Variants in SYNPR observed in about 807,000 individuals in gnomAD.
The protein encoded by SYNPR is synaptoporin.
Under a neutral mutation model 32.9 loss-of-function variants are expected in SYNPR, and 23 were observed. The ratio of observed to expected loss-of-function variants is 0.70; its 90% confidence interval spans 0.50 to 0.99. SYNPR has a LOEUF of 0.99. Ranked by LOEUF, SYNPR falls within the 50% of genes least tolerant of loss-of-function variation. SYNPR has a pLI of 0.00. For synonymous variants in SYNPR, 146 were observed against 135.9 expected (o/e 1.07, Z -0.52); for missense variants, 318 against 349.3 (o/e 0.91, Z 0.71).
intron 4 of SYNPR, among the ~76,000 whole-genome samples, chr3:63,577,134 A>G (rs1370457611): frequency 1.3e-5 from 2 of 152,182 alleles, no homozygotes; most frequent in Non-Finnish European, 2.9e-5. Context: ...GGCTATGCAA[A>G]TACAATTCTC....
chr3:63,353,537 C>T (rs1373517136), intron 2 of SYNPR, among the ~76,000 whole-genome samples: 16 of 152,112 alleles, frequency 1.1e-4, no homozygotes, highest in Admixed American at 7.2e-4. Context: ...AGTGGAGATT[C>T]GGGAATTAGC....
intron 4 of SYNPR, among the ~76,000 whole-genome samples, chr3:63,581,454 G>A (rs1427368545): frequency 6.6e-6 from 1 of 152,116 alleles, no homozygotes; most frequent in Non-Finnish European, 1.5e-5. Flanking sequence ...TCAAAAACAT[G>A]CATTTATCAA....
intron 2 of SYNPR, among the ~76,000 whole-genome samples, chr3:63,315,218 G>T (rs143241505): frequency 0.019 from 2,854 of 152,014 alleles, 99 homozygotes; most frequent in African/African-American, 0.065. Flanking sequence ...GGCTATGTGA[G>T]CTCTTTTTTG....
chr3:63,436,567 T>C (rs1354874125), intron 2 of SYNPR, among the ~76,000 whole-genome samples: 3 of 151,982 alleles, frequency 2.0e-5, no homozygotes, highest in African/African-American at 7.2e-5. Context: ...ACTCAGCCCC[T>C]CCATTAGCTT....
At chr3:63,257,292 G>GA (rs1287584243) in intron 2 of SYNPR, among the ~76,000 whole-genome samples, 2 of 152,090 alleles carry the variant, frequency 1.3e-5, no homozygotes, top group Non-Finnish European at 2.9e-5. Context: ...TGAAATGAAG[G>GA]AAAAAATGTT....
intron 2 of SYNPR, among the ~76,000 whole-genome samples, chr3:63,408,322 A>AGGAAGGAAGGAAAGAAAGAAAGAAAG (rs1291818189): frequency 1.8e-5 from 2 of 109,772 alleles, no homozygotes; most frequent in East Asian, 6.0e-4. Context: ...GAAGGAAGGA[A>AGGAAGGAAGGAAAGAAAGAAAGAAAG]AGAAAGAAAG....
chr3:63,339,980 C>T (rs188131376), intron 2 of SYNPR, among the ~76,000 whole-genome samples: 42 of 152,288 alleles, frequency 2.8e-4, no homozygotes, highest in Admixed American at 2.6e-3. Context: ...CCACACTCAT[C>T]TCCCTTCCTT....
At chr3:63,508,479 G>A (rs1701632604) in intron 3 of SYNPR, among the ~76,000 whole-genome samples, 1 of 152,140 alleles carries the variant, frequency 6.6e-6, no homozygotes, top group Admixed American at 6.6e-5. Context: ...GATGTAAAGT[G>A]ACTCAGATAT....
At position 63,415,194 on chromosome 3, in the gene SYNPR, A is replaced by G. The variant is rs956526634; in HGVS notation, c.85-65638A>G. Among the ~76,000 whole-genome samples, 3 of 152,328 alleles carry G rather than the reference A, an allele frequency of 2.0e-5. No individual in the cohort carries two copies. In the East Asian group the frequency reaches 5.8e-4, roughly 29 times the overall value. ...CATATCGTATCTTTATGGTTAAAATACTATAAAATGGTGTGCTCCTATACA... is the reference window on the plus strand; with the variant it reads ...CATATCGTATCTTTATGGTTAAAATGCTATAAAATGGTGTGCTCCTATACA... On this transcript the variant is annotated intron_variant, in intron 2 of 5. Coordinates refer to ENST00000478300, the MANE Select transcript of SYNPR (RefSeq NM_001130003.2).
chr3:63,200,684 T>A, the SYNPR span, among the ~76,000 whole-genome samples: 1 of 151,958 alleles, frequency 6.6e-6, no homozygotes, highest in South Asian at 2.1e-4. Context: ...TATAGACTGG[T>A]GTTTCTCTTT....
chr3:63,283,849 G>A (rs74329693), intron 2 of SYNPR, among the ~76,000 whole-genome samples: 9,387 of 123,568 alleles, frequency 0.076, 348 homozygotes, highest in Middle Eastern at 0.16. Context: ...ACGGAGTCTC[G>A]CTAGGCTGCC....
At chr3:63,430,096 T>C (rs922009588) in intron 2 of SYNPR, among the ~76,000 whole-genome samples, 2 of 152,190 alleles carry the variant, frequency 1.3e-5, no homozygotes, top group South Asian at 2.1e-4. Context: ...AAGAGCTAGG[T>C]TGTTGGGAAT....
intron 2 of SYNPR, among the ~76,000 whole-genome samples, chr3:63,281,060 C>T (rs534163414): frequency 1.3e-5 from 2 of 152,280 alleles, no homozygotes; most frequent in South Asian, 4.1e-4. Flanking sequence ...AAAGAACATA[C>T]ATTTTGTGTG....
rs147549235 is a variant in SYNPR at position 63,373,937 on chromosome 3, A to G, written c.84+95195A>G. The stretch of plus-strand genomic sequence containing the variant: ...TTGGGGGCCTATGTTCAGAATTGAT[A>G]AAGAGAGAAATTTCCAATCAAGAAT... On this transcript the variant is annotated intron_variant, in intron 2 of 5. Coordinates refer to ENST00000478300, the MANE Select transcript of SYNPR (RefSeq NM_001130003.2). 2.4e-3 allele frequency among the ~76,000 whole-genome samples: 359 copies of G among 152,354 alleles called. 2 individuals are homozygous for G. Among genetic ancestry groups the G allele is most frequent in the South Asian group, 9.3e-3 (45 of 4,822 alleles).
intron 2 of SYNPR, among the ~76,000 whole-genome samples, chr3:63,429,812 T>C (rs1213096363): frequency 2.0e-5 from 3 of 152,230 alleles, no homozygotes; most frequent in African/African-American, 4.8e-5. Context: ...GCTCCTTCAT[T>C]GTTTTTGTGC....
At chr3:63,235,800 A>C (rs1048467792) in intron 1 of SYNPR, among the ~76,000 whole-genome samples, 15 of 152,104 alleles carry the variant, frequency 9.9e-5, no homozygotes, top group Admixed American at 6.6e-5. Flanking sequence ...ATTTTCTCAC[A>C]GTCTAGTAAA....
At chr3:63,526,127 A>G (rs6781898) in intron 3 of SYNPR, among the ~76,000 whole-genome samples, 20,447 of 152,240 alleles carry the variant, frequency 0.13, 1,547 homozygotes, top group Middle Eastern at 0.23. Context: ...GCCATTCTTG[A>G]AGGATCTGCC....
intron 2 of SYNPR, among the ~76,000 whole-genome samples, chr3:63,330,603 T>G (rs2087217638): frequency 6.6e-6 from 1 of 152,242 alleles, no homozygotes; most frequent in African/African-American, 2.4e-5. Context: ...AAAGTAGGGA[T>G]AAAAAGAGGA....
At chr3:63,249,284 T>C (rs2086313450) in intron 1 of SYNPR, among the ~76,000 whole-genome samples, 2 of 152,244 alleles carry the variant, frequency 1.3e-5, no homozygotes, top group East Asian at 1.9e-4. Flanking sequence ...AAATATGTGA[T>C]AAACCCTAGA....
Sources: allele counts gnomAD v4.1 joint callset (sites outside exome capture counted in the v4.1 genomes callset), GRCh38; gene constraint gnomAD v4.1.1; transcripts MANE v1.5; gene names NCBI Gene and HGNC (gene_info 2026-07-23, HGNC 2026-07-21).